The following FAM81A variants were observed in gnomAD, a reference collection of about 807,000 sequenced individuals.
FAM81A encodes the protein protein FAM81A.
A neutral mutation model predicts 46.7 loss-of-function variants in FAM81A; 19 were observed. That is an observed-to-expected ratio of 0.41 (90% confidence interval 0.28 to 0.60). The LOEUF (loss-of-function observed/expected upper bound fraction) is 0.60. FAM81A is among the 20% of genes least tolerant of loss of function. The pLI, the probability that FAM81A is intolerant of heterozygous loss-of-function variation, is 0.34. For missense variants in FAM81A, 377 were observed against 453.5 expected (o/e 0.83, Z 1.53); for synonymous variants, 183 against 152.9 (o/e 1.20, Z -1.45).
chr15:59,490,015 G>A (rs2081964841), intron 3 of FAM81A, among the ~76,000 whole-genome samples: 1 of 151,682 alleles, frequency 6.6e-6, no homozygotes, highest in Non-Finnish European at 1.5e-5. Flanking sequence ...CAATAGTTGT[G>A]TTTAATTATC....
chr15:59,462,259 A>G (rs1318601215), intron 3 of FAM81A, among the ~76,000 whole-genome samples: 1 of 151,774 alleles, frequency 6.6e-6, no homozygotes, highest in Non-Finnish European at 1.5e-5. Context: ...ATAACATTTT[A>G]CAATCCCACA....
At chr15:59,434,102 A>G (rs1333313449), upstream of FAM81A, among the ~76,000 whole-genome samples, 1 of 152,156 alleles carries the variant, frequency 6.6e-6, no homozygotes, top group East Asian at 1.9e-4. Context: ...CTATCTGCCC[A>G]TCTAGGCCTC....
At chr15:59,427,259 T>C (rs1479831302) in intron 2 of FAM81A, among the ~76,000 whole-genome samples, 1 of 152,060 alleles carries the variant, frequency 6.6e-6, no homozygotes, top group African/African-American at 2.4e-5. Flanking sequence ...CACAGGTGCA[T>C]GCCACCAAGC....
intron 2 of FAM81A, among the ~76,000 whole-genome samples, chr15:59,428,348 T>C (rs2081204020): frequency 6.6e-6 from 1 of 151,970 alleles, no homozygotes; most frequent in Non-Finnish European, 1.5e-5. Flanking sequence ...TCTGCAGTGA[T>C]TGCTCTCCAT....
chr15:59,505,769 G>A (rs1011361643), intron 4 of FAM81A, among the ~76,000 whole-genome samples: 8 of 152,196 alleles, frequency 5.3e-5, no homozygotes, highest in African/African-American at 1.4e-4. Flanking sequence ...GGGAAGTATA[G>A]TTTGGGGCTT....
rs2082345391 is a variant in FAM81A at position 59,523,310 on chromosome 15, A to T, written c.*1932A>T. 1 of 152,208 alleles carries T rather than the reference A, an allele frequency of 6.6e-6. No individual in the cohort carries two copies. The highest frequency in any genetic ancestry group is 2.4e-5 in the African/African-American group (1 of 41,434). The allele number at this position is 152,208 out of a possible 1,614,324, so 9.4% of individuals were successfully genotyped here. On this transcript the variant is annotated 3_prime_UTR_variant, in exon 9 of 9. Transcript: ENST00000288228. ...GCTACATGTTGAAATCATCCAGAGG[A>T]GTTGGGAAATCTACTGATGCCCCGC...
intron 2 of FAM81A, among the ~76,000 whole-genome samples, chr15:59,421,709 A>ATCTG (rs1491043964): frequency 9.1e-5 from 9 of 99,422 alleles, no homozygotes; most frequent in African/African-American, 1.4e-4. Flanking sequence ...CCCTTAAACT[A>ATCTG]TCTATCTGTC....
At chr15:59,446,999 C>T (rs976303973) in intron 1 of FAM81A, among the ~76,000 whole-genome samples, 2 of 152,148 alleles carry the variant, frequency 1.3e-5, no homozygotes, top group Admixed American at 6.5e-5. Context: ...TTCTTTTCTT[C>T]AAGAAGGTTT....
chr15:59,460,118 G>T lies in FAM81A; in HGVS notation c.206G>T (p.Gly69Val). Residue 69 changes from glycine to valine, a missense_variant, in exon 3 of 9, where the codon GGG becomes GTG. Gly to Val is a moderately radical substitution (Grantham distance 109, BLOSUM62 -3). Coordinates refer to ENST00000288228, the MANE Select transcript of FAM81A (RefSeq NM_152450.3). This position sits in a 1 kb window ranked among gnomAD's most constrained non-coding sequence, Gnocchi z 4.4. ...VNSLQKMQNK[G>V]GGDRLARLFL... ...AGTTTGCAGAAAATGCAAAACAAAG[G>T]GGGAGGTGACCGCTTGGCCAGGCTT... The T allele has an allele frequency of 6.2e-7, 1 of 1,614,000 alleles. No individual in the cohort carries two copies. Among genetic ancestry groups the T allele is most frequent in the South Asian group, 1.1e-5 (1 of 91,072 alleles).
At chr15:59,477,686 A>G (rs1456422534) in intron 3 of FAM81A, among the ~76,000 whole-genome samples, 3 of 152,208 alleles carry the variant, frequency 2.0e-5, no homozygotes, top group Non-Finnish European at 4.4e-5. Flanking sequence ...AGCTCAATAA[A>G]TGTTTCATAA....
At chr15:59,516,577 G>C in intron 7 of FAM81A, 68 bp from the exon 8 acceptor site, 2 of 1,479,730 alleles carry the variant, frequency 1.4e-6, no homozygotes. Context: ...ACGATATTAT[G>C]GCTGATGTGA....
intron 2 of FAM81A, among the ~76,000 whole-genome samples, chr15:59,428,689 G>A (rs999947778): frequency 2.9e-5 from 4 of 138,026 alleles, no homozygotes; most frequent in Non-Finnish European, 6.1e-5. Context: ...GGAATGCAGT[G>A]GTACAATCTC....
At chr15:59,501,068 A>C (rs1227321448) in intron 4 of FAM81A, among the ~76,000 whole-genome samples, 1 of 152,022 alleles carries the variant, frequency 6.6e-6, no homozygotes, top group Non-Finnish European at 1.5e-5. Flanking sequence ...TTTCCTGGCC[A>C]TTTTAGATAA....
intron 2 of FAM81A, among the ~76,000 whole-genome samples, chr15:59,413,261 C>G (rs2081130098): frequency 6.6e-6 from 1 of 152,090 alleles, no homozygotes; most frequent in Non-Finnish European, 1.5e-5. Flanking sequence ...CCCTCGTTGT[C>G]TGGCACCTGG....
At chr15:59,435,651 G>T (rs972125524), upstream of FAM81A, among the ~76,000 whole-genome samples, 14 of 152,170 alleles carry the variant, frequency 9.2e-5, no homozygotes, top group Admixed American at 6.5e-4. Context: ...AATTTCCATG[G>T]TGTCTAGCAT....
At chr15:59,466,076 T>C (rs1227919975) in intron 3 of FAM81A, among the ~76,000 whole-genome samples, 1 of 152,260 alleles carries the variant, frequency 6.6e-6, no homozygotes, top group Non-Finnish European at 1.5e-5. Flanking sequence ...TCATGGTGTA[T>C]ATGTGCCACA....
chr15:59,502,485 CTGTGTGTGTGTGTGTGTGTGTG>C (rs71119478), intron 4 of FAM81A, among the ~76,000 whole-genome samples: 2 of 138,204 alleles, frequency 1.4e-5, no homozygotes, highest in Admixed American at 7.3e-5. Context: ...GTTGACTTCA[CTGTGTGTGTGTGTGTGTGTGTG>C]TGTGTGTGTG....
At chr15:59,464,409 G>T (rs1415529832) in intron 3 of FAM81A, among the ~76,000 whole-genome samples, 3 of 152,180 alleles carry the variant, frequency 2.0e-5, no homozygotes, top group Non-Finnish European at 4.4e-5. Flanking sequence ...TCTCCATAGT[G>T]GCTGTACTAG....
chr15:59,470,332 A>G (rs539521834), intron 3 of FAM81A, among the ~76,000 whole-genome samples: 3 of 152,344 alleles, frequency 2.0e-5, no homozygotes, highest in African/African-American at 7.2e-5. Context: ...CATCACTTTC[A>G]GGTACAACAA....
Sources: allele counts gnomAD v4.1 joint callset (sites outside exome capture counted in the v4.1 genomes callset), GRCh38; gene constraint gnomAD v4.1.1; non-coding constraint Gnocchi (gnomAD v3.1); transcripts MANE v1.5; gene names NCBI Gene and HGNC (gene_info 2026-07-23, HGNC 2026-07-21).